Variants in MBD5 observed in about 807,000 individuals in gnomAD.
The protein encoded by MBD5 is methyl-CpG binding domain protein 5, also known as methyl-CpG-binding domain protein 5.
A neutral mutation model predicts 117.3 loss-of-function variants in MBD5; 13 were observed. That is an observed-to-expected ratio of 0.11 (90% CI 0.07 to 0.18). The LOEUF (loss-of-function observed/expected upper bound fraction) is 0.18. MBD5 is among the 10% of genes least tolerant of loss of function. The pLI is 1.00. For missense variants in MBD5, 1,879 were observed against 2,093.8 expected, an observed-to-expected ratio of 0.90 and a Z score of 2.00; for synonymous variants, 727 against 766.4, an observed-to-expected ratio of 0.95 and a Z score of 0.85.
intron 2 of MBD5, among the ~76,000 whole-genome samples, chr2:148,228,087 T>C (rs1574162738): frequency 6.6e-6 from 1 of 152,222 alleles, no homozygotes; most frequent in Admixed American, 6.5e-5. Flanking sequence ...CTTTTCCTAA[T>C]TGAATGCCCT....
chr2:148,118,435 A>AT (rs1553474122), intron 1 of MBD5, among the ~76,000 whole-genome samples: 1,947 of 148,570 alleles, frequency 0.013, 46 homozygotes, highest in African/African-American at 0.044. Context: ...CATAAAAAAA[A>AT]ATATATATAT....
chr2:148,509,349 T>C (rs1682140736), intron 12 of MBD5, among the ~76,000 whole-genome samples: 1 of 152,132 alleles, frequency 6.6e-6, no homozygotes, highest in South Asian at 2.1e-4. Flanking sequence ...GCTTCAAAAA[T>C]GGCAGATGCA....
intron 4 of MBD5, among the ~76,000 whole-genome samples, chr2:148,445,210 A>C (rs919313478): frequency 1.5e-4 from 23 of 151,204 alleles, no homozygotes; most frequent in Non-Finnish European, 3.4e-4. Context: ...ATATGTATAC[A>C]TGTGCCATGT....
At chr2:148,158,406 G>C (rs984268953) in intron 1 of MBD5, among the ~76,000 whole-genome samples, 2 of 152,148 alleles carry the variant, frequency 1.3e-5, no homozygotes, top group African/African-American at 4.8e-5. Flanking sequence ...TAAATGGCAG[G>C]TTTTTCTTTA....
intron 1 of MBD5, among the ~76,000 whole-genome samples, chr2:148,031,138 C>A (rs1325117554): frequency 6.6e-6 from 1 of 152,056 alleles, no homozygotes; most frequent in Admixed American, 6.5e-5. Context: ...ATTATATGTT[C>A]ACTCAAAATA....
intron 3 of MBD5, among the ~76,000 whole-genome samples, chr2:148,312,908 C>T (rs1229079542): frequency 6.6e-6 from 1 of 152,196 alleles, no homozygotes; most frequent in Non-Finnish European, 1.5e-5. Context: ...AGTCAGGCTC[C>T]TCTGCTGCAG....
At chr2:148,141,916 C>A (rs1285017912) in intron 1 of MBD5, among the ~76,000 whole-genome samples, 1 of 152,056 alleles carries the variant, frequency 6.6e-6, no homozygotes, top group Non-Finnish European at 1.5e-5. Flanking sequence ...TTCAAGGCTG[C>A]CATGACCTAT....
At position 148,042,540 on chromosome 2, in the gene MBD5, A is replaced by G. The variant is rs556946289; in HGVS notation, c.-925+20856A>G. On this transcript the variant is annotated intron_variant, in intron 1 of 13. Transcript: ENST00000642680. ...ATAACAACAGTTTTTAAAATTTACC[A>G]TATCGAGCCTCAGTACGTTACTCTA... Among the ~76,000 whole-genome samples, 9 of 152,196 alleles carry G rather than the reference A, an allele frequency of 5.9e-5. No individual in the cohort carries two copies. The South Asian group carries it at 1.5e-3, about 25-fold the overall frequency.
chr2:148,151,552 G>T (rs553594378), intron 1 of MBD5, among the ~76,000 whole-genome samples: 3 of 152,240 alleles, frequency 2.0e-5, no homozygotes, highest in Middle Eastern at 3.4e-3. Context: ...GTAAAATTCG[G>T]CATGAATCCA....
At chr2:148,168,779 A>C (rs1410425225) in intron 1 of MBD5, among the ~76,000 whole-genome samples, 2 of 152,068 alleles carry the variant, frequency 1.3e-5, no homozygotes, top group African/African-American at 4.8e-5. Flanking sequence ...AGTGTGTCAG[A>C]GATATCTCTA....
chr2:148,403,244 A>G (rs914878428), intron 4 of MBD5, among the ~76,000 whole-genome samples: 8 of 151,666 alleles, frequency 5.3e-5, no homozygotes, highest in African/African-American at 9.7e-5. Flanking sequence ...CAGTGGCACA[A>G]TCTCAGCTCA....
intron 2 of MBD5, among the ~76,000 whole-genome samples, chr2:148,202,525 T>C (rs1230237483): frequency 3.3e-5 from 5 of 151,876 alleles, no homozygotes; most frequent in Non-Finnish European, 5.9e-5. Context: ...TGAAATGAGG[T>C]TGAAGGGATT....
At chr2:148,043,120 A>T (rs927499894) in intron 1 of MBD5, among the ~76,000 whole-genome samples, 1 of 152,016 alleles carries the variant, frequency 6.6e-6, no homozygotes, top group Non-Finnish European at 1.5e-5. Flanking sequence ...ACTCCACCCT[A>T]ATCTTATTGT....
At chr2:148,068,327 T>A (rs1695261079) in intron 1 of MBD5, among the ~76,000 whole-genome samples, 1 of 152,210 alleles carries the variant, frequency 6.6e-6, no homozygotes, top group Non-Finnish European at 1.5e-5. Flanking sequence ...TGTAATATTC[T>A]GGGTGGACAG....
chr2:148,504,303 G>T (rs1031584200), intron 12 of MBD5, among the ~76,000 whole-genome samples: 12 of 152,034 alleles, frequency 7.9e-5, no homozygotes, highest in African/African-American at 2.9e-4. Flanking sequence ...TTTCCTTTTC[G>T]ATGCCCAGTA....
At chr2:148,312,875 G>A (rs567059360) in intron 3 of MBD5, among the ~76,000 whole-genome samples, 7 of 152,118 alleles carry the variant, frequency 4.6e-5, no homozygotes, top group East Asian at 3.9e-4. Flanking sequence ...TATTCCTTTC[G>A]GTTTGTTAGT....
At chr2:148,398,394 GA>G (rs1443504667) in intron 4 of MBD5, among the ~76,000 whole-genome samples, 3 of 151,874 alleles carry the variant, frequency 2.0e-5, no homozygotes, top group Non-Finnish European at 4.4e-5. Flanking sequence ...GCATTTCTCT[GA>G]TGGCCAGTGA....
intron 1 of MBD5, among the ~76,000 whole-genome samples, chr2:148,079,789 G>T (rs550975384): frequency 1.3e-5 from 2 of 151,928 alleles, no homozygotes; most frequent in East Asian, 3.9e-4. Flanking sequence ...CCCGGGAGGC[G>T]GAGGTTGCAG....
intron 1 of MBD5, among the ~76,000 whole-genome samples, chr2:148,082,883 T>C (rs957689660): frequency 2.0e-5 from 3 of 152,226 alleles, no homozygotes; most frequent in African/African-American, 7.2e-5. Context: ...AAAAGTATTA[T>C]TAATAATTAT....
Sources: allele counts gnomAD v4.1 joint callset (sites outside exome capture counted in the v4.1 genomes callset), GRCh38; gene constraint gnomAD v4.1.1; transcripts MANE v1.5; gene names NCBI Gene and HGNC (gene_info 2026-07-23, HGNC 2026-07-21).